Variants in PLCE1 observed in about 807,000 individuals in gnomAD.
PLCE1 encodes 1-phosphatidylinositol 4,5-bisphosphate phosphodiesterase epsilon-1.
In PLCE1, 119 loss-of-function variants were observed where a neutral mutation model predicts 242.8. The ratio of observed to expected loss-of-function variants is 0.49; its 90% CI spans 0.42 to 0.57. The LOEUF is 0.57. Ranked by LOEUF, PLCE1 falls within the 20% of genes least tolerant of loss-of-function variation. The pLI is 0.00. For missense variants in PLCE1, 2,441 were observed against 2,788.8 expected (o/e 0.88, Z 2.81); for synonymous variants, 945 against 1,017.4 (o/e 0.93, Z 1.35).
chr10:94,117,902 A>G (rs1398673324), intron 2 of PLCE1, among the ~76,000 whole-genome samples: 1 of 152,198 alleles, frequency 6.6e-6, no homozygotes, highest in Non-Finnish European at 1.5e-5. Context: ...TCTACTTTTT[A>G]TACAATAGAG....
At chr10:94,191,468 C>T (rs28625176) in intron 4 of PLCE1, among the ~76,000 whole-genome samples, 3 of 152,018 alleles carry the variant, frequency 2.0e-5, no homozygotes, top group Admixed American at 6.6e-5. Context: ...ATAGCGAGAC[C>T]CGGTCTCTAC....
intron 8 of PLCE1, among the ~76,000 whole-genome samples, chr10:94,247,294 A>G (rs2050718750): frequency 6.6e-6 from 1 of 151,786 alleles, no homozygotes; most frequent in Non-Finnish European, 1.5e-5. Context: ...TGGGAGAACT[A>G]TAATGACCCT....
At chr10:94,148,587 A>T (rs2047184220) in intron 3 of PLCE1, among the ~76,000 whole-genome samples, 1 of 152,178 alleles carries the variant, frequency 6.6e-6, no homozygotes, top group African/African-American at 2.4e-5. Flanking sequence ...GGGCAAATAA[A>T]TCCTTTTTCT....
At chr10:94,214,497 C>G (rs1462969397) in intron 4 of PLCE1, among the ~76,000 whole-genome samples, 1 of 152,062 alleles carries the variant, frequency 6.6e-6, no homozygotes, top group Admixed American at 6.6e-5. Context: ...TCTTAATGGT[C>G]TGTTCTATCT....
chr10:94,283,065 G>C (rs2052302142), intron 20 of PLCE1: 1 of 152,070 alleles, frequency 6.6e-6, no homozygotes. Context: ...TGAGAAATTA[G>C]CTTTCTTGTT....
chr10:94,177,720 C>A (rs1031740758), intron 4 of PLCE1, among the ~76,000 whole-genome samples: 1 of 152,176 alleles, frequency 6.6e-6, no homozygotes. Flanking sequence ...TTCCTTATGA[C>A]CTTACTTTTA....
Sources: allele counts gnomAD v4.1 joint callset (sites outside exome capture counted in the v4.1 genomes callset), GRCh38; gene constraint gnomAD v4.1.1; transcripts MANE v1.5; gene names NCBI Gene and HGNC (gene_info 2026-07-23, HGNC 2026-07-21).